Variants in CDKAL1 observed in about 807,000 individuals in gnomAD.
CDKAL1 encodes CDKAL1 threonylcarbamoyladenosine tRNA methylthiotransferase, also known as threonylcarbamoyladenosine tRNA methylthiotransferase.
CDKAL1 carries 32 observed loss-of-function variants against 68.2 expected under a neutral mutation model. The ratio of observed to expected loss-of-function variants is 0.47; its 90% CI spans 0.35 to 0.63. CDKAL1 has a LOEUF of 0.63. CDKAL1 is among the 30% of genes least tolerant of loss of function. The pLI, the probability that CDKAL1 is intolerant of heterozygous loss-of-function variation, is 0.00. For missense variants in CDKAL1, 606 were observed against 696.7 expected, an observed-to-expected ratio of 0.87 and a Z score of 1.47; for synonymous variants, 234 against 244.3, an observed-to-expected ratio of 0.96 and a Z score of 0.39.
intron 11 of CDKAL1, among the ~76,000 whole-genome samples, chr6:21,021,998 G>C (rs201287): frequency 0.1 from 15,180 of 152,148 alleles, 885 homozygotes; most frequent in Middle Eastern, 0.16. Flanking sequence ...ATGTCTTAAA[G>C]CAAAAGAAGA....
intron 9 of CDKAL1, among the ~76,000 whole-genome samples, chr6:20,927,501 C>T (rs1763240385): frequency 6.6e-6 from 1 of 152,158 alleles, no homozygotes; most frequent in African/African-American, 2.4e-5. Flanking sequence ...AATAGGAGTA[C>T]ACCTCTTTTG....
At position 21,162,571 on chromosome 6, in the gene CDKAL1, A is replaced by G. The variant is rs143473946; in HGVS notation, c.1300-35450A>G. On this transcript the variant is annotated intron_variant, in intron 13 of 15. Coordinates refer to ENST00000274695, the MANE Select transcript of CDKAL1 (RefSeq NM_017774.3). ...GTAAAAACAAAAGCCACCTGACTCA[A>G]TCAGTCTCAGCATCACATATGTAAC... Among the ~76,000 whole-genome samples the G allele has an allele frequency of 7.9e-5, 12 of 152,286 alleles. No homozygotes were observed. In the East Asian group the frequency reaches 1.4e-3, roughly 17 times the overall value.
chr6:20,991,174 A>G (rs1224975333), intron 10 of CDKAL1, among the ~76,000 whole-genome samples: 1 of 152,248 alleles, frequency 6.6e-6, no homozygotes, highest in Non-Finnish European at 1.5e-5. Context: ...GCTGAGTGAA[A>G]TAAGCCAGAT....
At chr6:20,634,347 A>G (rs1388761706) in intron 4 of CDKAL1, among the ~76,000 whole-genome samples, 3 of 152,210 alleles carry the variant, frequency 2.0e-5, no homozygotes, top group Admixed American at 2.0e-4. Flanking sequence ...CTCAATAACG[A>G]CTTATTTTCT....
chr6:21,124,817 G>A (rs1774909926), intron 13 of CDKAL1, among the ~76,000 whole-genome samples: 1 of 151,888 alleles, frequency 6.6e-6, no homozygotes, highest in Admixed American at 6.6e-5. Context: ...CTTTGATGGG[G>A]ATACTTATAA....
intron 9 of CDKAL1, among the ~76,000 whole-genome samples, chr6:20,930,416 G>T (rs1763385450): frequency 6.6e-6 from 1 of 152,114 alleles, no homozygotes; most frequent in African/African-American, 2.4e-5. Context: ...GTCTGAACAG[G>T]CTATGCCACA....
At chr6:21,021,482 A>C (rs538350896) in intron 11 of CDKAL1, among the ~76,000 whole-genome samples, 7 of 151,770 alleles carry the variant, frequency 4.6e-5, no homozygotes, top group Admixed American at 6.5e-5. Context: ...TCTAAAATGC[A>C]CACAAAAATA....
At chr6:20,691,569 C>T (rs1443593941) in intron 5 of CDKAL1, among the ~76,000 whole-genome samples, 1 of 151,994 alleles carries the variant, frequency 6.6e-6, no homozygotes, top group Non-Finnish European at 1.5e-5. Flanking sequence ...CTGGCTGTTT[C>T]ATCTTGTTGC....
chr6:20,851,941 G>A (rs76834827), intron 9 of CDKAL1, among the ~76,000 whole-genome samples: 1 of 151,686 alleles, frequency 6.6e-6, no homozygotes, highest in Non-Finnish European at 1.5e-5. Context: ...CACTGATTTC[G>A]ACCCAAGATT....
intron 10 of CDKAL1, among the ~76,000 whole-genome samples, chr6:20,969,737 T>C (rs752962046): frequency 2.6e-5 from 4 of 152,166 alleles, no homozygotes; most frequent in Admixed American, 6.5e-5. Flanking sequence ...AGCTTATAAC[T>C]CCACCTTTGC....
At chr6:20,679,917 A>G (rs1479655246) in intron 5 of CDKAL1, among the ~76,000 whole-genome samples, 2 of 151,908 alleles carry the variant, frequency 1.3e-5, no homozygotes, top group African/African-American at 2.4e-5. Flanking sequence ...TGCAGATTCA[A>G]GTTTTCTTGA....
chr6:20,918,506 T>G (rs576633420), intron 9 of CDKAL1, among the ~76,000 whole-genome samples: 1 of 152,362 alleles, frequency 6.6e-6, no homozygotes, highest in African/African-American at 2.4e-5. Context: ...GTCTGCCTGC[T>G]TCCTTCCGAT....
intron 5 of CDKAL1, among the ~76,000 whole-genome samples, chr6:20,708,343 C>T (rs953726676): frequency 6.6e-5 from 10 of 152,276 alleles, no homozygotes; most frequent in African/African-American, 2.2e-4. Context: ...AAAGTTTTCT[C>T]TCTCCTTGCA....
intron 9 of CDKAL1, among the ~76,000 whole-genome samples, chr6:20,903,797 G>A (rs929404533): frequency 1.3e-5 from 2 of 152,190 alleles, no homozygotes; most frequent in Non-Finnish European, 2.9e-5. Context: ...TCTGAAAAGT[G>A]ACTATGCAGA....
chr6:20,654,178 C>T (rs750522234), intron 5 of CDKAL1, among the ~76,000 whole-genome samples: 4 of 152,176 alleles, frequency 2.6e-5, no homozygotes, highest in Non-Finnish European at 4.4e-5. Context: ...CCACTGTGCC[C>T]GGCCTTTGTT....
At chr6:20,841,398 A>G (rs1487991047) in intron 8 of CDKAL1, among the ~76,000 whole-genome samples, 1 of 152,190 alleles carries the variant, frequency 6.6e-6, no homozygotes, top group Non-Finnish European at 1.5e-5. Flanking sequence ...TGATTTTTAA[A>G]TTATTTCAGA....
intron 7 of CDKAL1, among the ~76,000 whole-genome samples, chr6:20,762,478 A>G (rs927082772): frequency 1.3e-5 from 2 of 152,190 alleles, no homozygotes; most frequent in African/African-American, 2.4e-5. Flanking sequence ...GAGATCTCTT[A>G]GTTAATAGAG....
intron 7 of CDKAL1, among the ~76,000 whole-genome samples, chr6:20,759,282 C>T (rs916521952): frequency 6.6e-6 from 1 of 152,012 alleles, no homozygotes; most frequent in Non-Finnish European, 1.5e-5. Flanking sequence ...TGGTTCATGC[C>T]TGTAATCCCA....
chr6:20,975,634 CTTAG>C (rs1379954858), intron 10 of CDKAL1, among the ~76,000 whole-genome samples: 2 of 151,998 alleles, frequency 1.3e-5, no homozygotes, highest in Non-Finnish European at 2.9e-5. Context: ...GTCTCTTTGA[CTTAG>C]TTATTTCATA....
Sources: allele counts gnomAD v4.1 joint callset (sites outside exome capture counted in the v4.1 genomes callset), GRCh38; gene constraint gnomAD v4.1.1; transcripts MANE v1.5; gene names NCBI Gene and HGNC (gene_info 2026-07-23, HGNC 2026-07-21).